Variants in GRM7 observed in about 807,000 individuals in gnomAD.
GRM7 encodes metabotropic glutamate receptor 7.
Under a neutral mutation model 84.5 loss-of-function variants are expected in GRM7, and 35 were observed. The ratio of observed to expected loss-of-function variants is 0.41; its 90% CI spans 0.32 to 0.55. The LOEUF (loss-of-function observed/expected upper bound fraction) is 0.55. GRM7 is among the 20% of genes least tolerant of loss of function. The probability of loss-of-function intolerance (pLI) is 0.19; values close to 1 mark genes in which losing one functional copy is unlikely to be tolerated. For missense variants in GRM7, 1,003 were observed against 1,194.6 expected (o/e 0.84, Z 2.36); for synonymous variants, 487 against 455.1 (o/e 1.07, Z -0.89).
chr3:7,105,942 A>G (rs935885557), intron 1 of GRM7, among the ~76,000 whole-genome samples: 10 of 151,902 alleles, frequency 6.6e-5, no homozygotes, highest in African/African-American at 2.4e-4. Flanking sequence ...TTTGGAATTT[A>G]TATTGGTATT....
At chr3:7,739,810 C>T (rs1702629199) in intron 9 of GRM7, among the ~76,000 whole-genome samples, 1 of 152,186 alleles carries the variant, frequency 6.6e-6, no homozygotes, top group Non-Finnish European at 1.5e-5. Context: ...GTGAGCTTTA[C>T]ATCTTAATGG....
chr3:6,892,427 A>G (rs1248856834), intron 1 of GRM7, among the ~76,000 whole-genome samples: 1 of 152,172 alleles, frequency 6.6e-6, no homozygotes, highest in Non-Finnish European at 1.5e-5. Flanking sequence ...GTCTGCTTCT[A>G]GTTACTGAAA....
intron 7 of GRM7, among the ~76,000 whole-genome samples, chr3:7,531,060 T>C (rs1457893257): frequency 2.0e-5 from 3 of 152,204 alleles, no homozygotes; most frequent in African/African-American, 7.2e-5. Flanking sequence ...CAGTTTCTTC[T>C]AGGGTTTTAT....
chr3:7,593,341 T>A (rs944180638), intron 8 of GRM7, among the ~76,000 whole-genome samples: 1 of 152,190 alleles, frequency 6.6e-6, no homozygotes, highest in African/African-American at 2.4e-5. Context: ...ATCCCACTAA[T>A]GTCTACAAAA....
chr3:7,195,833 G>C (rs1180007100), intron 2 of GRM7, among the ~76,000 whole-genome samples: 1 of 152,094 alleles, frequency 6.6e-6, no homozygotes, highest in Non-Finnish European at 1.5e-5. Flanking sequence ...GCTAAAGGCA[G>C]TTACCTACAG....
At chr3:6,940,764 C>T (rs1697864145) in intron 1 of GRM7, among the ~76,000 whole-genome samples, 1 of 152,152 alleles carries the variant, frequency 6.6e-6, no homozygotes, top group Non-Finnish European at 1.5e-5. Flanking sequence ...TTCTATGTAG[C>T]TTGGACATCT....
chr3:7,608,369 C>A (rs1696691761), intron 8 of GRM7, among the ~76,000 whole-genome samples: 1 of 152,170 alleles, frequency 6.6e-6, no homozygotes, highest in African/African-American at 2.4e-5. Context: ...TTTATTCCTG[C>A]AACCTTGCCA....
chr3:7,556,390 T>C (rs532756802), intron 7 of GRM7, among the ~76,000 whole-genome samples: 1 of 152,310 alleles, frequency 6.6e-6, no homozygotes, highest in Admixed American at 6.5e-5. Flanking sequence ...AAAATGGGGC[T>C]TAAGAGATAT....
chr3:7,170,249 C>A (rs766202690), intron 2 of GRM7, among the ~76,000 whole-genome samples: 1 of 152,114 alleles, frequency 6.6e-6, no homozygotes, highest in African/African-American at 2.4e-5. Flanking sequence ...AATGGGAGTA[C>A]ATTAAGTGGG....
At chr3:7,457,388 C>T (rs1698063851) in intron 6 of GRM7, among the ~76,000 whole-genome samples, 1 of 152,114 alleles carries the variant, frequency 6.6e-6, no homozygotes, top group Non-Finnish European at 1.5e-5. Context: ...CAAATCAAAG[C>T]AAAGTCCCAA....
chr3:7,226,500 C>G (rs1334487241), intron 2 of GRM7, among the ~76,000 whole-genome samples: 1 of 152,124 alleles, frequency 6.6e-6, no homozygotes, highest in Non-Finnish European at 1.5e-5. Flanking sequence ...TCTCGAACTC[C>G]AGTCAAAGAC....
intron 4 of GRM7, among the ~76,000 whole-genome samples, chr3:7,371,496 G>A (rs1040872067): frequency 1.3e-5 from 2 of 152,132 alleles, no homozygotes; most frequent in Non-Finnish European, 2.9e-5. Flanking sequence ...CAACAAAATG[G>A]AGGTTGGTTA....
intron 4 of GRM7, among the ~76,000 whole-genome samples, chr3:7,315,251 C>G (rs905407037): frequency 2.0e-5 from 3 of 152,348 alleles, no homozygotes; most frequent in East Asian, 1.9e-4. Context: ...AGGTCAGTCA[C>G]CAGTGAAAGC....
intron 8 of GRM7, among the ~76,000 whole-genome samples, chr3:7,590,354 T>A (rs184527281): frequency 2.0e-5 from 3 of 152,330 alleles, no homozygotes; most frequent in Admixed American, 2.0e-4. Context: ...AATGAGTAAC[T>A]TGTTTTTATA....
At chr3:6,995,378 C>T (rs938376152) in intron 1 of GRM7, among the ~76,000 whole-genome samples, 3 of 152,164 alleles carry the variant, frequency 2.0e-5, no homozygotes, top group African/African-American at 7.2e-5. Context: ...GAATACTTTT[C>T]TTATAAAAGC....
At chr3:7,422,301 C>G (rs1407490437) in intron 5 of GRM7, among the ~76,000 whole-genome samples, 1 of 152,152 alleles carries the variant, frequency 6.6e-6, no homozygotes, top group Non-Finnish European at 1.5e-5. Context: ...CAAATGATCC[C>G]TTGCTTTAGA....
Position 6,863,070 on chromosome 3 carries a change from C to T in GRM7, c.519+1163C>T, listed in dbSNP as rs1694817064. The T allele has an allele frequency of 4.4e-6, 2 of 450,308 alleles. No homozygotes were observed. The highest frequency in any genetic ancestry group is 2.4e-5 in the Admixed American group (1 of 41,288). The allele number at this position is 450,308 out of a possible 1,614,324, so 27.9% of individuals were successfully genotyped here. A position where few individuals can be genotyped will look rare whatever the true frequency, so the allele number is the denominator to read the frequency against. Reference sequence around the variant, plus strand: ...TCTCTGTGATTGTAGGTTCCCTCCTCTGTGTCTTTCCCTATATGTGCATCA... The same window carrying T: ...TCTCTGTGATTGTAGGTTCCCTCCTTTGTGTCTTTCCCTATATGTGCATCA... On this transcript the variant is annotated intron_variant, in intron 1 of 9. Coordinates refer to ENST00000357716, the MANE Select transcript of GRM7 (RefSeq NM_000844.4). This position sits in a 1 kb window ranked among gnomAD's most constrained non-coding sequence, Gnocchi z 4.8.
At chr3:6,887,868 T>C (rs1420218074) in intron 1 of GRM7, among the ~76,000 whole-genome samples, 1 of 152,226 alleles carries the variant, frequency 6.6e-6, no homozygotes, top group Admixed American at 6.5e-5. Context: ...GCATTCCTAT[T>C]TCTCCACATC....
intron 4 of GRM7, among the ~76,000 whole-genome samples, chr3:7,356,724 C>A (rs1236819385): frequency 1.3e-5 from 2 of 152,118 alleles, no homozygotes; most frequent in East Asian, 1.9e-4. Flanking sequence ...CCTTTGGAAT[C>A]TGGAATTTGT....
Sources: gnomAD v4.1 joint callset for allele counts (sites outside exome capture counted in the v4.1 genomes callset) on GRCh38, gnomAD v4.1.1 for gene constraint, Gnocchi (gnomAD v3.1) non-coding constraint, MANE v1.5 for transcripts, NCBI Gene and HGNC (gene_info 2026-07-23, HGNC 2026-07-21) for gene names.